RNF215: variants seen among roughly 807,000 people sequenced by gnomAD.
RNF215 encodes the protein ring finger protein 215.
RNF215 carries 41 observed loss-of-function variants against 44.8 expected under a neutral mutation model. The observed-to-expected ratio is 0.92, with a 90% CI of 0.71 to 1.19. The LOEUF is 1.19. Among genes scored for constraint, RNF215 ranks in the 50% most tolerant of loss-of-function variants. The probability of loss-of-function intolerance (pLI) is 0.00; values close to 1 mark genes in which losing one functional copy is unlikely to be tolerated. For missense variants in RNF215, 452 were observed against 496.2 expected (o/e 0.91, Z 0.85); for synonymous variants, 218 against 230.1 (o/e 0.95, Z 0.48).
intron 4 of RNF215, 70 bp downstream of exon 4, chr22:30,385,834 T>A: frequency 1.4e-5 from 18 of 1,300,794 alleles, no homozygotes; most frequent in African/African-American, 4.4e-5. Context: ...CCAAGCCCCC[T>A]CAGTCCATGG....
chr22:30,379,621 C>G lies in RNF215; in HGVS notation c.1113G>C (p.Gly371=), dbSNP rs1410671120. 6.4e-7 allele frequency: 1 copy of G among 1,551,396 alleles called. No individual in the cohort carries two copies. Among genetic ancestry groups the G allele is most frequent in the Non-Finnish European group, 8.7e-7 (1 of 1,147,046 alleles). The change falls in exon 9 of 9, where the codon GGG becomes GGC. Residue 371 remains glycine (G), a splice_region_variant and synonymous_variant. Coordinates refer to ENST00000382363, the MANE Select transcript of RNF215 (RefSeq NM_001017981.2). ...TCPLCKFNVL[G]NRYSDD ...GCAGCTAATCATCGGAGTAGCGGTT[C>G]CCTGCAGGGGAGGGGAAGAAGAACA...
rs1460058705 is a variant in RNF215 at position 30,387,318 on chromosome 22, G to A, written c.-5C>T. On this transcript the variant is annotated 5_prime_UTR_variant, in exon 1 of 9. Transcript: ENST00000382363. ...GGGGCGAGCGGCGGGGCCCATGGCC[G>A]GACCCGGCGAGCTGGCCCAACAGTG... 9.4e-7 allele frequency: 1 copy of A among 1,061,276 alleles called. No individual in the cohort carries two copies. The highest frequency in any genetic ancestry group is 1.1e-6 in the Non-Finnish European group (1 of 880,640). 65.7% of individuals were successfully genotyped at this position (1,061,276 alleles called of 1,614,324 possible).
intron 5 of RNF215, 56 bp downstream of exon 5, chr22:30,384,283 T>C (rs1933565322): frequency 6.4e-6 from 10 of 1,559,714 alleles, no homozygotes; most frequent in Admixed American, 1.7e-5. Flanking sequence ...CAAAGCCATG[T>C]ATATGGCCCC....
chr22:30,386,526 T>C, intron 2 of RNF215, 90 bp downstream of exon 2: 1 of 1,485,498 alleles, frequency 6.7e-7, no homozygotes, highest in Non-Finnish European at 9.0e-7. Context: ...CTCTGCAAGC[T>C]CTTAAGGGCC....
Position 30,379,582 on chromosome 22 carries a change from C to G in RNF215, c.*18G>C, listed in dbSNP as rs937695729. 4.5e-6 allele frequency: 7 copies of G among 1,549,820 alleles called. No homozygotes were observed. Among genetic ancestry groups the G allele is most frequent in the Non-Finnish European group, 5.2e-6 (6 of 1,146,990 alleles). ...GGCAGGAAGGGTCCATCCCCATGTG[C>G]AGAGTCCAGCTGGGCAGCTAATCAT... On this transcript the variant is annotated 3_prime_UTR_variant, in exon 9 of 9. Coordinates refer to ENST00000382363, the MANE Select transcript of RNF215 (RefSeq NM_001017981.2).
At chr22:30,386,989 G>A (rs772022350) in intron 1 of RNF215, 40 bp downstream of exon 1, 1 of 1,534,248 alleles carries the variant, frequency 6.5e-7, no homozygotes, top group South Asian at 1.2e-5. Flanking sequence ...GGTTGAGAGA[G>A]GGGTTTAGTG....
intron 4 of RNF215, 63 bp downstream of exon 4, chr22:30,385,841 A>G (rs990574519): frequency 1.4e-6 from 2 of 1,478,544 alleles, no homozygotes; most frequent in African/African-American, 1.4e-5. Context: ...CCCTCAGTCC[A>G]TGGGAGAACC....
chr22:30,379,769 A>G lies in RNF215; in HGVS notation c.1053T>C (p.Cys351=), dbSNP rs760857789. ...LPCKHEFHRD[C]VDPWLMLQQT... ...GCTGGAGCATCAGCCAGGGGTCCAC[A>G]CAGTCTCGGTGAAACTCGTGCTTAC... The change falls in exon 8 of 9, where the codon TGT becomes TGC. Residue 351 remains cysteine, a synonymous_variant. Transcript: ENST00000382363. 5 of 1,569,980 alleles carry G rather than the reference A, an allele frequency of 3.2e-6. No individual in the cohort carries two copies. The highest frequency in any genetic ancestry group is 4.3e-6 in the Non-Finnish European group (5 of 1,158,528).
chr22:30,384,716 T>C, intron 4 of RNF215: 1 of 479,038 alleles, frequency 2.1e-6, no homozygotes, highest in Non-Finnish European at 3.8e-6. Context: ...GGGCCAGTCC[T>C]CTCTGCCCAC....
At position 30,379,636 on chromosome 22, in the gene RNF215, G is replaced by A. The variant is rs1482385757; in HGVS notation, c.1112-14C>T. 1.3e-6 allele frequency: 2 copies of A among 1,551,614 alleles called. No individual in the cohort carries two copies. Among genetic ancestry groups the A allele is most frequent in the African/African-American group, 1.4e-5 (1 of 73,066 alleles). ...AGTAGCGGTTCCCTGCAGGGGAGGG[G>A]AAGAAGAACAGGGAGAGAGGCATCA... On this transcript the variant is annotated splice_polypyrimidine_tract_variant and intron_variant, in intron 8 of 8. Coordinates refer to ENST00000382363, the MANE Select transcript of RNF215 (RefSeq NM_001017981.2).
chr22:30,386,955 TC>T (rs893558066), intron 1 of RNF215, 73 bp downstream of exon 1: 2 of 1,509,138 alleles, frequency 1.3e-6, no homozygotes, highest in African/African-American at 2.8e-5. Flanking sequence ...GAACGTCGGT[TC>T]AGGGTGCGGG....
At chr22:30,385,824 C>T in intron 4 of RNF215, 80 bp downstream of exon 4, 1 of 1,339,506 alleles carries the variant, frequency 7.5e-7, no homozygotes, top group East Asian at 2.3e-5. Context: ...GGCCCTGGTC[C>T]CAAGCCCCCT....
rs1046215512 is a variant in RNF215, at chr22:30,380,508, C to T, written c.745-107G>A. 73 of 1,391,564 alleles carry T rather than the reference C, an allele frequency of 5.2e-5. 1 individual carries two copies. Among genetic ancestry groups the T allele is most frequent in the African/African-American group, 5.8e-5 (4 of 68,714 alleles). The allele number at this position is 1,391,564 out of a possible 1,614,324, so 86.2% of individuals were successfully genotyped here. A position where few individuals can be genotyped will look rare whatever the true frequency, so the allele number is the denominator to read the frequency against. On this transcript the variant is annotated intron_variant, in intron 5 of 8. Transcript: ENST00000382363. This position sits in a 1 kb window ranked among gnomAD's most constrained non-coding sequence, Gnocchi z 5.3. ...GGAGCAGGCAGGTGAGGTATGCTGA[C>T]GGCCTCTGTGTCCCTGCAGTCCCCA...
rs1194042404 is a variant in RNF215, at chr22:30,386,889, T to TGG, written c.286-132_286-131dup. 2.7e-6 allele frequency: 4 copies of TGG among 1,473,360 alleles called. No homozygotes were observed. In the African/African-American group the frequency reaches 5.6e-5, roughly 21 times the overall value. 91.3% of individuals were successfully genotyped at this position (1,473,360 alleles called of 1,614,324 possible). A position where few individuals can be genotyped will look rare whatever the true frequency, so the allele number is the denominator to read the frequency against. On this transcript the variant is annotated intron_variant, in intron 1 of 8. Transcript: ENST00000382363. ...TCTCTGGTTTGGGAAGCCGGAATGC[T>TGG]GGGGGCCTGGGGAGCCTGGGGAGGG...
Position 30,378,997 on chromosome 22 carries a change from G to A in RNF215, c.*603C>T, listed in dbSNP as rs1037960669. ...GCAGCCAAGGATTCCAGAACAGGAC[G>A]GTTTCTAAGACCTCTGGTCCTAGCC... On this transcript the variant is annotated 3_prime_UTR_variant, in exon 9 of 9. Coordinates refer to ENST00000382363, the MANE Select transcript of RNF215 (RefSeq NM_001017981.2). 1.3e-5 allele frequency: 2 copies of A among 153,186 alleles called. No individual in the cohort carries two copies. Among genetic ancestry groups the A allele is most frequent in the Non-Finnish European group, 2.9e-5 (2 of 68,938 alleles). The allele number at this position is 153,186 out of a possible 1,614,324, so 9.5% of individuals were successfully genotyped here.
chr22:30,379,798 G>A lies in RNF215; in HGVS notation c.1024C>T (p.Pro342Ser). 1 of 1,570,382 alleles carries A rather than the reference G, an allele frequency of 6.4e-7. No individual in the cohort carries two copies. The highest frequency in any genetic ancestry group is 8.6e-7 in the Non-Finnish European group (1 of 1,159,244). The change falls in exon 8 of 9, where the codon CCC (proline) becomes TCC (serine). Residue 342 changes from proline to serine, a missense_variant. By Grantham distance (74) the Pro-to-Ser change is moderately conservative (BLOSUM62 -1). Transcript: ENST00000382363. ...FCNKQWLRVL[P>S]CKHEFHRDCV... ...TCTCGGTGAAACTCGTGCTTACAGG[G>A]CAGCACCCGGAGCCACTACAGGGGT...
At chr22:30,383,846 C>T (rs1443870040) in intron 5 of RNF215, among the ~76,000 whole-genome samples, 2 of 152,068 alleles carry the variant, frequency 1.3e-5, no homozygotes, top group Non-Finnish European at 2.9e-5. Flanking sequence ...GGAGGCTTTC[C>T]AAAGAAACGT....
At chr22:30,381,685 G>T (rs1490871592) in intron 5 of RNF215, among the ~76,000 whole-genome samples, 1 of 152,226 alleles carries the variant, frequency 6.6e-6, no homozygotes, top group African/African-American at 2.4e-5. Context: ...GAGGGGCTGA[G>T]AAATGATCTG....
intron 2 of RNF215, 51 bp from the exon 3 acceptor site, chr22:30,386,192 T>C: frequency 6.6e-7 from 1 of 1,508,242 alleles, no homozygotes; most frequent in African/African-American, 1.4e-5. Context: ...CCTGCACACC[T>C]GTCTCACCAC....
Sources: allele counts gnomAD v4.1 joint callset (sites outside exome capture counted in the v4.1 genomes callset), GRCh38; gene constraint gnomAD v4.1.1; non-coding constraint Gnocchi (gnomAD v3.1); transcripts MANE v1.5; gene names NCBI Gene and HGNC (gene_info 2026-07-23, HGNC 2026-07-21).